The following NANS variants were observed in gnomAD, a reference collection of about 807,000 sequenced individuals.
NANS encodes N-acetylneuraminate-9-phosphate synthase.
NANS carries 29 observed loss-of-function variants against 33.3 expected under a neutral mutation model. The ratio of observed to expected loss-of-function variants is 0.87; its 90% CI spans 0.65 to 1.19. The LOEUF is 1.19. Ranked by LOEUF, NANS falls within the 50% of genes most tolerant of loss-of-function variation. NANS has a pLI of 0.00. For synonymous variants in NANS, 163 were observed against 177.2 expected (o/e 0.92, Z 0.64); for missense variants, 394 against 461.1 (o/e 0.85, Z 1.33).
At chr9:98,065,285 TA>T (rs2131626704) in intron 2 of NANS, among the ~76,000 whole-genome samples, 1 of 149,862 alleles carries the variant, frequency 6.7e-6, no homozygotes, top group East Asian at 1.9e-4. Flanking sequence ...ATTATTCTTT[TA>T]AAGTGTTAGT....
At chr9:98,067,542 A>G (rs896926270) in intron 2 of NANS, among the ~76,000 whole-genome samples, 2 of 152,198 alleles carry the variant, frequency 1.3e-5, no homozygotes, top group African/African-American at 4.8e-5. Context: ...AAGAATGTCT[A>G]TTCAGATCCT....
chr9:98,061,425 C>T (rs1387297766), intron 2 of NANS, among the ~76,000 whole-genome samples: 13 of 143,954 alleles, frequency 9.0e-5, no homozygotes, highest in African/African-American at 3.1e-4. Flanking sequence ...TGCAGTGAGC[C>T]GAGATCACAC....
At chr9:98,059,723 G>GTT (rs1198179640) in intron 1 of NANS, among the ~76,000 whole-genome samples, 9 of 150,068 alleles carry the variant, frequency 6.0e-5, no homozygotes, top group African/African-American at 2.2e-4. Context: ...CCTCTTGAGT[G>GTT]TTTTTTGTTT....
intron 2 of NANS, among the ~76,000 whole-genome samples, chr9:98,065,420 A>G (rs1829112720): frequency 6.9e-6 from 1 of 144,854 alleles, no homozygotes; most frequent in Non-Finnish European, 1.5e-5. Context: ...GGGTTCAAGC[A>G]ATTCTCCTGC....
chr9:98,057,753 G>A (rs1291265206), intron 1 of NANS, among the ~76,000 whole-genome samples: 1 of 151,944 alleles, frequency 6.6e-6, no homozygotes, highest in Non-Finnish European at 1.5e-5. Flanking sequence ...TTTAGAGATA[G>A]CTCACCCCAT....
intron 2 of NANS, among the ~76,000 whole-genome samples, chr9:98,062,906 T>TA (rs375704110): frequency 6.6e-6 from 1 of 151,544 alleles, no homozygotes; most frequent in Non-Finnish European, 1.5e-5. Context: ...AGTTTAAAAT[T>TA]AAAAAAAGTT....
chr9:98,059,723 G>GT lies in NANS; in HGVS notation c.133-1053dup, dbSNP rs1198179640. On this transcript the variant is annotated intron_variant, in intron 1 of 5. Coordinates refer to ENST00000210444, the MANE Select transcript of NANS (RefSeq NM_018946.4). Reference sequence around the variant, plus strand: ...GGCCACTGTGCCTGACCTCTTGAGTGTTTTTTGTTTTTTTTTTTTTATAGT... The same window carrying GT: ...GGCCACTGTGCCTGACCTCTTGAGTGTTTTTTTGTTTTTTTTTTTTTATAGT... Among the ~76,000 whole-genome samples the GT allele has an allele frequency of 8.7e-3, 1,307 of 150,006 alleles. 18 individuals are homozygous for GT. Among genetic ancestry groups the GT allele is most frequent in the African/African-American group, 0.03 (1,230 of 40,792 alleles).
At chr9:98,080,251 C>T (rs377329467) in intron 4 of NANS, among the ~76,000 whole-genome samples, 1 of 152,184 alleles carries the variant, frequency 6.6e-6, no homozygotes, top group Non-Finnish European at 1.5e-5. Context: ...TAATAATACA[C>T]GCTACCTGAG....
In NANS at chr9:98,060,693, T is replaced by C. The variant is rs188553645; in HGVS notation, c.133-89T>C. On this transcript the variant is annotated intron_variant, in intron 1 of 5. Coordinates refer to ENST00000210444, the MANE Select transcript of NANS (RefSeq NM_018946.4). ...CTCTAAATAAATAAATAAATAAAGA[T>C]GGTGATGTCATAGTGGTTGCTCCAG... 8.7e-6 allele frequency: 10 copies of C among 1,142,966 alleles called. No individual in the cohort carries two copies. The Admixed American group carries it at 9.2e-5, about 11-fold the overall frequency. The allele number at this position is 1,142,966 out of a possible 1,614,324, so 70.8% of individuals were successfully genotyped here.
intron 2 of NANS, among the ~76,000 whole-genome samples, chr9:98,066,687 A>G (rs1451458412): frequency 1.3e-5 from 2 of 148,562 alleles, no homozygotes; most frequent in South Asian, 2.1e-4. Context: ...GTCTCGCTCT[A>G]TTGCCCAGGC....
chr9:98,080,766 G>C, intron 4 of NANS, 50 bp from the exon 5 acceptor site: 1 of 1,530,330 alleles, frequency 6.5e-7, no homozygotes, highest in South Asian at 1.3e-5. Context: ...TGGAGAATAT[G>C]CATAAAGCAG....
Position 98,056,844 on chromosome 9 carries a change from G to A in NANS, c.36G>A (p.Trp12Ter), listed in dbSNP as rs1209933662. 1 of 1,612,132 alleles carries A rather than the reference G, an allele frequency of 6.2e-7. No homozygotes were observed. Among genetic ancestry groups the A allele is most frequent in the East Asian group, 2.2e-5 (1 of 44,828 alleles). ...AGCTGGAGCTGTGTCCCGGGCGCTG[G>A]GTGGGCGGGCAACACCCGTGCTTCA... ...PLELELCPGR[W>*]VGGQHPCFII... Residue 12 changes from tryptophan to a stop codon, truncating the protein, a stop_gained, in exon 1 of 6, where the codon TGG becomes TGA. Coordinates refer to ENST00000210444, the MANE Select transcript of NANS (RefSeq NM_018946.4). LOFTEE classifies it high-confidence loss of function.
intron 4 of NANS, among the ~76,000 whole-genome samples, chr9:98,079,745 T>G (rs984089739): frequency 7.9e-5 from 12 of 152,324 alleles, no homozygotes; most frequent in African/African-American, 2.2e-4. Flanking sequence ...TGCTGTCATG[T>G]CCTCTCTCTT....
chr9:98,076,708 T>G, intron 2 of NANS: 1 of 529,044 alleles, frequency 1.9e-6, no homozygotes, highest in Admixed American at 3.8e-5. Context: ...GCACCAAACG[T>G]TTGTTGGGCT....
chr9:98,075,307 T>G, intron 2 of NANS: 1 of 138,278 alleles, frequency 7.2e-6, no homozygotes, highest in African/African-American at 2.8e-5. Flanking sequence ...AAGAAAAAGA[T>G]GGAAGGGGAA....
chr9:98,080,668 A>C, intron 4 of NANS, 148 bp from the exon 5 acceptor site: 1 of 786,648 alleles, frequency 1.3e-6, no homozygotes, highest in Non-Finnish European at 2.0e-6. Flanking sequence ...ATCCCTAGGA[A>C]AGAGAGGCTC....
chr9:98,076,905 T>C lies in NANS; in HGVS notation c.349-13T>C, dbSNP rs370076821. 3 of 1,603,796 alleles carry C rather than the reference T, an allele frequency of 1.9e-6. No individual in the cohort carries two copies. The highest frequency in any genetic ancestry group is 2.2e-5 in the East Asian group (1 of 44,742). ...ACAATGGTGAAAAGGAGCTCCCTCT[T>C]TGATTTTTGTAGATGGCAGTTGAAT... On this transcript the variant is annotated splice_polypyrimidine_tract_variant and intron_variant, in intron 2 of 5. Transcript: ENST00000210444.
chr9:98,059,035 T>TA (rs1158559329), intron 1 of NANS, among the ~76,000 whole-genome samples: 1 of 152,104 alleles, frequency 6.6e-6, no homozygotes, highest in Non-Finnish European at 1.5e-5. Context: ...TTTTATTTTT[T>TA]TTTTTCAAGA....
At chr9:98,058,165 C>A (rs537689263) in intron 1 of NANS, among the ~76,000 whole-genome samples, 3 of 152,070 alleles carry the variant, frequency 2.0e-5, no homozygotes, top group African/African-American at 4.8e-5. Context: ...AATCTGCCCA[C>A]CTTGGCCTCC....
Sources: allele counts gnomAD v4.1 joint callset (sites outside exome capture counted in the v4.1 genomes callset), GRCh38; gene constraint gnomAD v4.1.1; transcripts MANE v1.5; gene names NCBI Gene and HGNC (gene_info 2026-07-23, HGNC 2026-07-21).